Variants in RGS6 observed in about 807,000 individuals in gnomAD.
The protein encoded by RGS6 is regulator of G protein signaling 6, also known as regulator of G-protein signaling 6.
Under a neutral mutation model 78.5 loss-of-function variants are expected in RGS6, and 30 were observed. That is an observed-to-expected ratio of 0.38 (90% CI 0.29 to 0.52). The LOEUF (loss-of-function observed/expected upper bound fraction) is 0.52. Ranked by LOEUF, RGS6 falls within the 20% of genes least tolerant of loss-of-function variation. RGS6 has a pLI of 0.85. For missense variants in RGS6, 495 were observed against 609.7 expected (o/e 0.81, Z 1.98); for synonymous variants, 206 against 206.0 (o/e 1.00, Z 0.00).
the RGS6 span, among the ~76,000 whole-genome samples, chr14:72,616,855 C>T: frequency 2.0e-5 from 3 of 152,340 alleles, no homozygotes; most frequent in Admixed American, 1.3e-4. Flanking sequence ...ACCACGGAGA[C>T]TTTTGTCTGC....
chr14:72,468,479 A>AT (rs1036640947), intron 7 of RGS6, among the ~76,000 whole-genome samples: 1 of 152,206 alleles, frequency 6.6e-6, no homozygotes, highest in Non-Finnish European at 1.5e-5. Flanking sequence ...AAATGCAATA[A>AT]TTTTTTTATG....
chr14:72,270,261 C>T (rs1568404), intron 2 of RGS6, among the ~76,000 whole-genome samples: 59,842 of 145,156 alleles, frequency 0.41, 12,396 homozygotes, highest in Non-Finnish European at 0.47. Flanking sequence ...TGGACTAAAA[C>T]GAGGTTCATG....
chr14:71,927,905 G>A (rs559176544), upstream of RGS6, among the ~76,000 whole-genome samples: 62 of 152,096 alleles, frequency 4.1e-4, no homozygotes, highest in East Asian at 1.9e-3. Flanking sequence ...TGATCCGCCC[G>A]TCTCGGCCTC....
At chr14:72,217,955 A>G (rs530418998) in intron 2 of RGS6, among the ~76,000 whole-genome samples, 1 of 152,328 alleles carries the variant, frequency 6.6e-6, no homozygotes, top group East Asian at 1.9e-4. Flanking sequence ...GGTTGCTTGA[A>G]AATGCAGCTT....
chr14:72,208,446 G>C (rs1365545543), intron 2 of RGS6, among the ~76,000 whole-genome samples: 1 of 152,160 alleles, frequency 6.6e-6, no homozygotes, highest in Non-Finnish European at 1.5e-5. Context: ...TAAGGGTTAG[G>C]TTTTCTGTCA....
chr14:72,501,956 G>C (rs889015424), intron 13 of RGS6, among the ~76,000 whole-genome samples: 1 of 152,216 alleles, frequency 6.6e-6, no homozygotes, highest in Non-Finnish European at 1.5e-5. Flanking sequence ...TATTAGTCAA[G>C]CTCCTTTCTT....
the RGS6 span, among the ~76,000 whole-genome samples, chr14:71,877,872 T>A: frequency 6.6e-6 from 1 of 152,226 alleles, no homozygotes; most frequent in Non-Finnish European, 1.5e-5. Context: ...GGTGTGGATG[T>A]CTTTTCTGTT....
intron 2 of RGS6, among the ~76,000 whole-genome samples, chr14:72,119,656 A>G (rs2095998598): frequency 6.6e-6 from 1 of 152,194 alleles, no homozygotes; most frequent in Non-Finnish European, 1.5e-5. Context: ...GTTAGACATG[A>G]AACAAACGAG....
the RGS6 span, among the ~76,000 whole-genome samples, chr14:71,869,354 G>GA: frequency 6.6e-6 from 1 of 152,182 alleles, no homozygotes; most frequent in African/African-American, 2.4e-5. Context: ...AGTGAAATTA[G>GA]AAAGGCTCTC....
At chr14:72,228,743 A>G (rs1164627563) in intron 2 of RGS6, among the ~76,000 whole-genome samples, 2 of 152,002 alleles carry the variant, frequency 1.3e-5, no homozygotes, top group African/African-American at 2.4e-5. Flanking sequence ...GACAAGAAAC[A>G]CTTTGAAGAT....
the RGS6 span, among the ~76,000 whole-genome samples, chr14:71,878,592 C>A: frequency 6.6e-6 from 1 of 152,176 alleles, no homozygotes; most frequent in Non-Finnish European, 1.5e-5. Flanking sequence ...CACAGCTTCC[C>A]TTGGCTAGGA....
chr14:71,934,332 C>T (rs1684884494), intron 1 of RGS6, among the ~76,000 whole-genome samples: 1 of 152,116 alleles, frequency 6.6e-6, no homozygotes, highest in Non-Finnish European at 1.5e-5. Flanking sequence ...AATAACTCAT[C>T]CTTTCCTGAA....
intron 12 of RGS6, among the ~76,000 whole-genome samples, chr14:72,483,807 C>T (rs1443946839): frequency 6.6e-6 from 1 of 152,128 alleles, no homozygotes; most frequent in Non-Finnish European, 1.5e-5. Context: ...GAAGGGGCCT[C>T]CATACCTGGC....
At chr14:72,242,014 G>A (rs564147848) in intron 2 of RGS6, among the ~76,000 whole-genome samples, 5 of 152,264 alleles carry the variant, frequency 3.3e-5, no homozygotes, top group African/African-American at 9.6e-5. Context: ...TTATCTCAAC[G>A]CTTCATTTTG....
chr14:72,127,874 T>G (rs2096237217), intron 2 of RGS6, among the ~76,000 whole-genome samples: 1 of 152,240 alleles, frequency 6.6e-6, no homozygotes, highest in South Asian at 2.1e-4. Context: ...TGTTCTCTGT[T>G]TCTATAACTT....
At chr14:72,495,975 C>T (rs2096639183) in intron 13 of RGS6, among the ~76,000 whole-genome samples, 1 of 152,104 alleles carries the variant, frequency 6.6e-6, no homozygotes, top group Admixed American at 6.5e-5. Context: ...CTTCACACCC[C>T]CTGCACCTTG....
At chr14:72,225,309 C>T (rs2047856480) in intron 2 of RGS6, among the ~76,000 whole-genome samples, 1 of 152,072 alleles carries the variant, frequency 6.6e-6, no homozygotes, top group African/African-American at 2.4e-5. Context: ...TTTAAAAAAA[C>T]ATTCACTGTG....
At chr14:71,974,230 A>G (rs1478499898) in intron 2 of RGS6, among the ~76,000 whole-genome samples, 1 of 152,238 alleles carries the variant, frequency 6.6e-6, no homozygotes, top group Non-Finnish European at 1.5e-5. Context: ...TACCTGTGAA[A>G]GAAAAAATAA....
chr14:72,329,553 G>T lies in RGS6; in HGVS notation c.85-22542G>T, dbSNP rs190056780. ...TAAACTGGCATTGTCTGTCCAGTAA[G>T]TCCTTTTCTAAGGAAAGCAGGTATC... is the stretch of plus-strand genomic sequence containing the variant. On this transcript the variant is annotated intron_variant, in intron 2 of 17. Transcript: ENST00000553525. Among the ~76,000 whole-genome samples the T allele has an allele frequency of 2.0e-5, 3 of 152,392 alleles. No homozygotes were observed. The East Asian group carries it at 5.8e-4, about 29-fold the overall frequency.
Sources: allele counts gnomAD v4.1 joint callset (sites outside exome capture counted in the v4.1 genomes callset), GRCh38; gene constraint gnomAD v4.1.1; transcripts MANE v1.5; gene names NCBI Gene and HGNC (gene_info 2026-07-23, HGNC 2026-07-21).